The following ZNF567 variants were observed in gnomAD, a reference collection of about 807,000 sequenced individuals.
ZNF567 encodes the protein zinc finger protein 567.
Under a neutral mutation model 53.9 loss-of-function variants are expected in ZNF567, and 36 were observed. The ratio of observed to expected loss-of-function variants is 0.67; its 90% CI spans 0.51 to 0.88. ZNF567 has a LOEUF of 0.88. Among genes scored for constraint, ZNF567 ranks in the 40% least tolerant of loss-of-function variants. The probability of loss-of-function intolerance (pLI) is 0.00; values close to 1 mark genes in which losing one functional copy is unlikely to be tolerated. For missense variants in ZNF567, 619 were observed against 764.7 expected (o/e 0.81, Z 2.25); for synonymous variants, 224 against 260.4 (o/e 0.86, Z 1.35).
chr19:36,668,865 G>A, the ZNF567 span: 2 of 152,158 alleles, frequency 1.3e-5, no homozygotes, highest in Non-Finnish European at 2.9e-5. Flanking sequence ...GAGAGAGAAA[G>A]TAGAGTGAAA....
chr19:36,718,907 G>A, intron 5 of ZNF567, 41 bp from the exon 6 acceptor site: 2 of 1,476,598 alleles, frequency 1.4e-6, no homozygotes, highest in Non-Finnish European at 1.8e-6. Context: ...TAGGAAATGT[G>A]TGAAGATTCA....
Position 36,719,130 on chromosome 19 carries a change from A to C in ZNF567, c.406A>C (p.Thr136Pro). 6.2e-7 allele frequency: 1 copy of C among 1,611,580 alleles called. No individual in the cohort carries two copies. Among genetic ancestry groups the C allele is most frequent in the Non-Finnish European group, 8.5e-7 (1 of 1,179,414 alleles). ...NSKNLPPEYD[T>P]HGRILKNVSE... Reference sequence around the variant, plus strand: ...AAAAAATCTACCTCCTGAATATGATACTCATGGAAGGATTTTGAAAAATGT... The same window carrying C: ...AAAAAATCTACCTCCTGAATATGATCCTCATGGAAGGATTTTGAAAAATGT... Residue 136 changes from threonine (T) to proline (P), a missense_variant, in exon 6 of 6, where the codon ACT becomes CCT. Transcript: ENST00000682579.
intron 2 of ZNF567, among the ~76,000 whole-genome samples, chr19:36,691,711 A>G (rs187851499): frequency 3.3e-5 from 5 of 152,230 alleles, no homozygotes; most frequent in Non-Finnish European, 7.3e-5. Context: ...AAAAGGAGTC[A>G]TGCAGAATGT....
At chr19:36,703,484 T>A (rs957392595) in intron 3 of ZNF567, among the ~76,000 whole-genome samples, 23 of 152,254 alleles carry the variant, frequency 1.5e-4, no homozygotes, top group African/African-American at 5.5e-4. Context: ...CATTTAAGTC[T>A]GCAGAGGTTA....
chr19:36,704,393 C>T (rs2039384377), intron 3 of ZNF567, among the ~76,000 whole-genome samples: 1 of 151,988 alleles, frequency 6.6e-6, no homozygotes, highest in South Asian at 2.1e-4. Flanking sequence ...TGCACTCCAG[C>T]CTGGGCAACA....
At chr19:36,702,616 GT>G (rs973763004) in intron 3 of ZNF567, among the ~76,000 whole-genome samples, 1 of 152,134 alleles carries the variant, frequency 6.6e-6, no homozygotes, top group African/African-American at 2.4e-5. Context: ...TGGAGGCTTT[GT>G]TCGTTTCTTT....
chr19:36,668,646 C>T, the ZNF567 span: 2 of 152,202 alleles, frequency 1.3e-5, no homozygotes, highest in African/African-American at 4.8e-5. Context: ...TGTGAGAGTC[C>T]AGAGCCGACT....
At chr19:36,689,647 C>T (rs1302055800) in intron 2 of ZNF567, 150 bp downstream of exon 2, 1 of 152,146 alleles carries the variant, frequency 6.6e-6, no homozygotes, top group Non-Finnish European at 1.5e-5. Flanking sequence ...GTGGGTTTGT[C>T]CAGTCATTCC....
At chr19:36,724,681 CAAA>C (rs577726722), downstream of ZNF567, among the ~76,000 whole-genome samples, 1 of 117,290 alleles carries the variant, frequency 8.5e-6, no homozygotes. Context: ...GACTTCATCT[CAAA>C]AAAAAAAAAA....
chr19:36,702,571 G>A (rs12150886), intron 3 of ZNF567, among the ~76,000 whole-genome samples: 47,859 of 151,540 alleles, frequency 0.32, 7,844 homozygotes, highest in East Asian at 0.57. Flanking sequence ...CCAATCAGAC[G>A]TAGATTTGGT....
intron 5 of ZNF567, among the ~76,000 whole-genome samples, chr19:36,715,484 T>C (rs2040000964): frequency 2.0e-5 from 2 of 102,130 alleles, no homozygotes; most frequent in African/African-American, 7.2e-5. Context: ...CTCAAAATAA[T>C]AATAATAATA....
chr19:36,690,928 G>A (rs953949503), intron 2 of ZNF567, among the ~76,000 whole-genome samples: 6 of 152,138 alleles, frequency 3.9e-5, no homozygotes, highest in Non-Finnish European at 8.8e-5. Flanking sequence ...AGGTATAATA[G>A]GACCTACCTC....
chr19:36,699,650 T>C (rs1487170726), intron 3 of ZNF567, among the ~76,000 whole-genome samples: 6 of 152,196 alleles, frequency 3.9e-5, no homozygotes, highest in Non-Finnish European at 8.8e-5. Context: ...CCCTTGTAAG[T>C]TGGATTCCTA....
chr19:36,700,585 T>C (rs1006384848), intron 3 of ZNF567, among the ~76,000 whole-genome samples: 11 of 151,954 alleles, frequency 7.2e-5, no homozygotes, highest in African/African-American at 2.7e-4. Flanking sequence ...CTATTGATTA[T>C]TGCCACAATT....
chr19:36,699,224 A>T (rs867438775), intron 3 of ZNF567, among the ~76,000 whole-genome samples: 1 of 152,080 alleles, frequency 6.6e-6, no homozygotes, highest in Non-Finnish European at 1.5e-5. Flanking sequence ...CAAAGCTCAG[A>T]TAGTTGTAGA....
chr19:36,715,477 A>G (rs757487339), intron 5 of ZNF567, among the ~76,000 whole-genome samples: 7 of 41,982 alleles, frequency 1.7e-4, no homozygotes, highest in Non-Finnish European at 2.5e-4. Context: ...TATTTAACTC[A>G]AAATAATAAT....
intron 3 of ZNF567, among the ~76,000 whole-genome samples, chr19:36,700,896 G>A (rs903749394): frequency 7.2e-5 from 11 of 151,996 alleles, no homozygotes; most frequent in South Asian, 2.1e-4. Context: ...TTAATTTTTT[G>A]AAGGGTTTTT....
chr19:36,683,833 A>G (rs1310408209), upstream of ZNF567, among the ~76,000 whole-genome samples: 1 of 151,908 alleles, frequency 6.6e-6, no homozygotes. Context: ...CTCTGTCTCA[A>G]ATAATAATAA....
chr19:36,710,149 G>A lies in ZNF567; in HGVS notation c.10-2237G>A, dbSNP rs1320185238. 4.0e-5 allele frequency among the ~76,000 whole-genome samples: 6 copies of A among 151,806 alleles called. No homozygotes were observed. The East Asian group carries it at 5.8e-4, about 15-fold the overall frequency. On this transcript the variant is annotated intron_variant, in intron 3 of 5. Coordinates refer to ENST00000682579, the MANE Select transcript of ZNF567 (RefSeq NM_001322917.1). ...CATGATTCTTTTTTCTTTCTGTTCAGATTACTTACTTTCTCTTGATTGATT... is the reference window on the plus strand; with the variant it reads ...CATGATTCTTTTTTCTTTCTGTTCAAATTACTTACTTTCTCTTGATTGATT...
Sources: gnomAD v4.1 joint callset for allele counts (sites outside exome capture counted in the v4.1 genomes callset) on GRCh38, gnomAD v4.1.1 for gene constraint, MANE v1.5 for transcripts, NCBI Gene and HGNC (gene_info 2026-07-23, HGNC 2026-07-21) for gene names.